RBFOX1: variants seen among roughly 807,000 people sequenced by gnomAD.
RBFOX1 encodes the protein RNA binding protein fox-1 homolog 1.
RBFOX1 carries 8 observed loss-of-function variants against 57.7 expected under a neutral mutation model. The ratio of observed to expected loss-of-function variants is 0.14; its 90% confidence interval spans 0.08 to 0.25. The LOEUF is 0.25. RBFOX1 is among the 10% of genes least tolerant of loss of function. The pLI is 1.00. For missense variants in RBFOX1, 611 were observed against 548.5 expected, an observed-to-expected ratio of 1.11 and a Z score of -1.14; for synonymous variants, 326 against 222.4, an observed-to-expected ratio of 1.47 and a Z score of -4.15.
chr16:7,283,102 C>G (rs1197510119), intron 4 of RBFOX1, among the ~76,000 whole-genome samples: 1 of 152,022 alleles, frequency 6.6e-6, no homozygotes, highest in Non-Finnish European at 1.5e-5. Flanking sequence ...TTTTTTTCCT[C>G]TGGGTAGATA....
At chr16:6,966,654 G>A (rs1330087515) in intron 3 of RBFOX1, among the ~76,000 whole-genome samples, 3 of 152,188 alleles carry the variant, frequency 2.0e-5, no homozygotes, top group African/African-American at 7.2e-5. Flanking sequence ...TGATGTTGCT[G>A]TTAGGCATGA....
chr16:7,569,466 G>T (rs114216631), intron 5 of RBFOX1, among the ~76,000 whole-genome samples: 17 of 152,120 alleles, frequency 1.1e-4, no homozygotes, highest in Non-Finnish European at 2.4e-4. Flanking sequence ...TGACATTGGG[G>T]GTTCTCTTCC....
chr16:5,314,738 C>T (rs2064185300), intron 1 of RBFOX1, among the ~76,000 whole-genome samples: 1 of 151,246 alleles, frequency 6.6e-6, no homozygotes, highest in Non-Finnish European at 1.5e-5. Flanking sequence ...TAGACTCAAG[C>T]AATCCTCCTG....
chr16:6,200,979 G>C (rs2097211331), intron 1 of RBFOX1, among the ~76,000 whole-genome samples: 1 of 151,014 alleles, frequency 6.6e-6, no homozygotes, highest in African/African-American at 2.4e-5. Context: ...TCGAGCATGA[G>C]CAAATGTGAA....
intron 12 of RBFOX1, among the ~76,000 whole-genome samples, chr16:7,656,084 A>G (rs1024652): frequency 0.97 from 147,708 of 152,290 alleles, 71,795 homozygotes; most frequent in East Asian, 1. Flanking sequence ...GGTGGATTGT[A>G]CCTCCTTGCT....
At chr16:5,617,191 C>G (rs1023828807) in intron 3 of RBFOX1, among the ~76,000 whole-genome samples, 8 of 152,094 alleles carry the variant, frequency 5.3e-5, no homozygotes, top group African/African-American at 1.9e-4. Context: ...TCTGTGCCAA[C>G]ATCCCCTCAC....
chr16:5,779,361 TAGCACGAA>T (rs1399279549), intron 3 of RBFOX1, among the ~76,000 whole-genome samples: 4 of 152,346 alleles, frequency 2.6e-5, no homozygotes, highest in African/African-American at 9.6e-5. Flanking sequence ...ATTTTGAACC[TAGCACGAA>T]AGCATTTTCA....
intron 14 of RBFOX1, among the ~76,000 whole-genome samples, chr16:7,686,102 C>G (rs986374036): frequency 2.6e-5 from 4 of 151,826 alleles, no homozygotes; most frequent in Admixed American, 6.6e-5. Context: ...GAAAGCCCCT[C>G]TAAGAGATCC....
intron 3 of RBFOX1, among the ~76,000 whole-genome samples, chr16:5,606,301 T>C (rs1276388320): frequency 6.6e-6 from 1 of 152,134 alleles, no homozygotes; most frequent in Non-Finnish European, 1.5e-5. Flanking sequence ...TTGCTTAGGC[T>C]ATCCTTTCTG....
At chr16:6,840,359 C>T (rs1254484850) in intron 3 of RBFOX1, among the ~76,000 whole-genome samples, 1 of 152,144 alleles carries the variant, frequency 6.6e-6, no homozygotes, top group African/African-American at 2.4e-5. Context: ...TCATTGGTCC[C>T]TGTATTTCAG....
chr16:6,354,433 T>A (rs922597400), intron 2 of RBFOX1, among the ~76,000 whole-genome samples: 1 of 152,136 alleles, frequency 6.6e-6, no homozygotes, highest in Admixed American at 6.5e-5. Context: ...CAGTCTCTTC[T>A]CCACACAGCA....
intron 4 of RBFOX1, among the ~76,000 whole-genome samples, chr16:7,468,358 C>G (rs2060908122): frequency 6.6e-6 from 1 of 152,006 alleles, no homozygotes; most frequent in African/African-American, 2.4e-5. Flanking sequence ...TGCGTGTATC[C>G]CGATTAGATT....
chr16:5,500,640 A>G (rs1242330066), intron 2 of RBFOX1, among the ~76,000 whole-genome samples: 1 of 152,182 alleles, frequency 6.6e-6, no homozygotes, highest in Non-Finnish European at 1.5e-5. Flanking sequence ...CACTCTATCC[A>G]GACACACCAT....
At chr16:5,371,267 G>C (rs1276721528) in intron 1 of RBFOX1, among the ~76,000 whole-genome samples, 2 of 152,176 alleles carry the variant, frequency 1.3e-5, no homozygotes, top group Admixed American at 1.3e-4. Flanking sequence ...GTTTCAAAGA[G>C]GGCATTAGGT....
chr16:5,678,305 A>G (rs1230587907), intron 3 of RBFOX1, among the ~76,000 whole-genome samples: 2 of 152,200 alleles, frequency 1.3e-5, no homozygotes, highest in Non-Finnish European at 2.9e-5. Context: ...CTGTGGTGTC[A>G]TCTGGGTTTA....
chr16:7,083,196 G>A (rs117242757), intron 4 of RBFOX1, among the ~76,000 whole-genome samples: 1,617 of 152,102 alleles, frequency 0.011, 15 homozygotes, highest in Non-Finnish European at 0.016. Context: ...GACAGTCCAC[G>A]GAATGTTCCA....
At chr16:6,050,066 C>G (rs2095537212) in intron 1 of RBFOX1, among the ~76,000 whole-genome samples, 2 of 150,410 alleles carry the variant, frequency 1.3e-5, no homozygotes, top group African/African-American at 4.9e-5. Context: ...TCAAGCAATT[C>G]TCCTCCCTCA....
chr16:5,501,176 G>A (rs1325696306), intron 2 of RBFOX1, among the ~76,000 whole-genome samples: 2 of 151,796 alleles, frequency 1.3e-5, no homozygotes, highest in Admixed American at 1.3e-4. Flanking sequence ...AAATTATCTG[G>A]GTGTGGTGGT....
intron 2 of RBFOX1, among the ~76,000 whole-genome samples, chr16:5,595,944 G>C (rs1346906378): frequency 1.3e-5 from 2 of 152,170 alleles, no homozygotes. Context: ...AAAGTCTCTT[G>C]AGAAGAGCAG....
Sources: gnomAD v4.1 joint callset for allele counts (sites outside exome capture counted in the v4.1 genomes callset) on GRCh38, gnomAD v4.1.1 for gene constraint, MANE v1.5 for transcripts, NCBI Gene and HGNC (gene_info 2026-07-23, HGNC 2026-07-21) for gene names.